TACC2: variants seen among roughly 807,000 people sequenced by gnomAD.
The protein encoded by TACC2 is transforming acidic coiled-coil containing protein 2.
TACC2 carries 137 observed loss-of-function variants against 227.3 expected under a neutral mutation model. The ratio of observed to expected loss-of-function variants is 0.60; its 90% CI spans 0.52 to 0.69. The LOEUF is 0.69. TACC2 is among the 30% of genes least tolerant of loss of function. The probability of loss-of-function intolerance (pLI) is 0.00; values close to 1 mark genes in which losing one functional copy is unlikely to be tolerated. For missense variants in TACC2, 3,470 were observed against 3,694.4 expected (o/e 0.94, Z 1.57); for synonymous variants, 1,523 against 1,487.5 (o/e 1.02, Z -0.55).
Position 122,210,172 on chromosome 10 carries a change from C to T in TACC2, c.5972-225C>T. On this transcript the variant is annotated intron_variant, in intron 8 of 22. Coordinates refer to ENST00000369005, the MANE Select transcript of TACC2 (RefSeq NM_206862.4). This position sits in a 1 kb window ranked among gnomAD's most constrained non-coding sequence, Gnocchi z 4.6. Reference sequence around the variant, plus strand: ...TGTTCTTTAATCGGTCCTCATGATCCTCATTGTACAGATGAGGGAACTCTG... The same window carrying T: ...TGTTCTTTAATCGGTCCTCATGATCTTCATTGTACAGATGAGGGAACTCTG... 8.4e-6 allele frequency: 5 copies of T among 593,756 alleles called. No individual in the cohort carries two copies. Among genetic ancestry groups the T allele is most frequent in the Non-Finnish European group, 1.5e-5 (5 of 325,798 alleles). 36.8% of individuals were successfully genotyped at this position (593,756 alleles called of 1,614,324 possible).
In TACC2 at chr10:122,084,121, G is replaced by A. The variant is rs1346694624; in HGVS notation, c.1621G>A (p.Glu541Lys). The change falls in exon 4 of 23, where the codon GAA becomes AAA. Residue 541 changes from glutamate (E) to lysine (K), a missense_variant. Glu to Lys is a moderately conservative substitution (Grantham distance 56). Coordinates refer to ENST00000369005, the MANE Select transcript of TACC2 (RefSeq NM_206862.4). ...CCCTCCTCTTCCCAAGGCACCAAGT[G>A]AAAGTGCCAGAGGGCCACCGGGGCC... The part of the protein sequence containing the change: ...PPPPLPKAPS[E>K]SARGPPGPTD... The A allele has an allele frequency of 6.2e-7, 1 of 1,614,074 alleles. No homozygotes were observed. Among genetic ancestry groups the A allele is most frequent in the Non-Finnish European group, 8.5e-7 (1 of 1,180,020 alleles).
At chr10:122,170,745 G>T (rs530893006) in intron 7 of TACC2, among the ~76,000 whole-genome samples, 63 of 152,152 alleles carry the variant, frequency 4.1e-4, no homozygotes, top group Non-Finnish European at 8.4e-4. Flanking sequence ...AGCGCCTCCA[G>T]GCCCTGCCAC....
chr10:122,053,696 G>A (rs556616093), intron 3 of TACC2, among the ~76,000 whole-genome samples: 11 of 152,256 alleles, frequency 7.2e-5, no homozygotes, highest in Non-Finnish European at 1.5e-4. Context: ...CAGAGGACAC[G>A]GTCTGGAAGT....
At chr10:122,250,404 T>A (rs749992220) in intron 22 of TACC2, among the ~76,000 whole-genome samples, 15 of 152,228 alleles carry the variant, frequency 9.9e-5, no homozygotes, top group Non-Finnish European at 2.9e-5. Flanking sequence ...CCCAGCAGCC[T>A]GGGTTGGCAG....
chr10:122,025,630 G>A (rs1327767372), intron 2 of TACC2, among the ~76,000 whole-genome samples: 1 of 140,874 alleles, frequency 7.1e-6, no homozygotes, highest in African/African-American at 2.7e-5. Context: ...CTGGAGTGCA[G>A]TGGTGCGATC....
intron 5 of TACC2, among the ~76,000 whole-genome samples, chr10:122,105,808 A>G (rs938328340): frequency 6.6e-6 from 1 of 150,620 alleles, no homozygotes; most frequent in Non-Finnish European, 1.5e-5. Context: ...TTTTTAGTAG[A>G]GATGGGGTTT....
At chr10:122,157,879 A>G (rs894434120) in intron 7 of TACC2, among the ~76,000 whole-genome samples, 1 of 152,086 alleles carries the variant, frequency 6.6e-6, no homozygotes, top group Non-Finnish European at 1.5e-5. Context: ...GTAAAGAAAG[A>G]AAGATTTTGA....
In TACC2 at chr10:122,179,341, A is replaced by G. The variant is rs12570304; in HGVS notation, c.5835-15699A>G. Among the ~76,000 whole-genome samples the G allele has an allele frequency of 0.015, 2,302 of 152,324 alleles. 152 individuals carry two copies. The East Asian group carries it at 0.24, about 16-fold the overall frequency. On this transcript the variant is annotated intron_variant, in intron 7 of 22. Coordinates refer to ENST00000369005, the MANE Select transcript of TACC2 (RefSeq NM_206862.4). ...ATTTAAACCACTGATTATGGCTCTG[A>G]CATTTTTGTTACTCTTCAATCAACC... is the stretch of plus-strand genomic sequence containing the variant.
chr10:122,239,273 T>C (rs970724369), intron 18 of TACC2, among the ~76,000 whole-genome samples: 2 of 152,214 alleles, frequency 1.3e-5, no homozygotes, highest in African/African-American at 4.8e-5. Context: ...CCTCCCAAAG[T>C]TCTGGGATTA....
At chr10:122,009,867 A>G (rs1955706873) in intron 1 of TACC2, among the ~76,000 whole-genome samples, 1 of 152,188 alleles carries the variant, frequency 6.6e-6, no homozygotes, top group East Asian at 1.9e-4. Context: ...CGGAGGTTGC[A>G]GTGAGCCAAG....
intron 5 of TACC2, among the ~76,000 whole-genome samples, chr10:122,103,131 C>A (rs1221206807): frequency 2.0e-5 from 3 of 152,038 alleles, no homozygotes; most frequent in Non-Finnish European, 2.9e-5. Context: ...TCAGAGTTCA[C>A]CAGTGAAATG....
intron 2 of TACC2, among the ~76,000 whole-genome samples, chr10:122,030,940 C>T (rs1389809077): frequency 2.0e-5 from 3 of 152,094 alleles, no homozygotes; most frequent in Admixed American, 2.0e-4. Context: ...TGCTCAGCCT[C>T]CTGTGATCCC....
chr10:121,999,567 G>A (rs1361996990), intron 1 of TACC2, among the ~76,000 whole-genome samples: 1 of 152,234 alleles, frequency 6.6e-6, no homozygotes, highest in Non-Finnish European at 1.5e-5. Flanking sequence ...GGGCCTGGTG[G>A]AAGTTTCCCT....
chr10:122,024,627 T>C (rs1313350449), intron 2 of TACC2, among the ~76,000 whole-genome samples: 2 of 152,182 alleles, frequency 1.3e-5, no homozygotes, highest in Non-Finnish European at 1.5e-5. Flanking sequence ...ATTTTATCAT[T>C]TCAAGAACGT....
intron 7 of TACC2, among the ~76,000 whole-genome samples, chr10:122,168,271 G>T (rs1365821464): frequency 6.6e-6 from 1 of 152,132 alleles, no homozygotes; most frequent in East Asian, 1.9e-4. Context: ...TTAAACGACA[G>T]CATTCCTAAT....
At chr10:122,131,014 T>A (rs1419362178) in intron 5 of TACC2, among the ~76,000 whole-genome samples, 2 of 151,450 alleles carry the variant, frequency 1.3e-5, no homozygotes, top group Non-Finnish European at 2.9e-5. Context: ...TAAATAAACA[T>A]TTAAAAAAAA....
At chr10:122,221,366 C>G (rs1450965086) in intron 11 of TACC2, among the ~76,000 whole-genome samples, 7 of 152,210 alleles carry the variant, frequency 4.6e-5, no homozygotes, top group African/African-American at 1.7e-4. Flanking sequence ...GAGTCCTCTC[C>G]TGGCTGTCCA....
chr10:122,192,853 G>A, intron 7 of TACC2: 2 of 435,612 alleles, frequency 4.6e-6, no homozygotes, highest in South Asian at 3.2e-5. Context: ...AGTGCTGGGG[G>A]CCTGGTGAGG....
intron 7 of TACC2, among the ~76,000 whole-genome samples, chr10:122,184,484 A>C (rs1565537637): frequency 6.6e-6 from 1 of 152,196 alleles, no homozygotes; most frequent in Non-Finnish European, 1.5e-5. Flanking sequence ...TATTGTATCC[A>C]GGACCTGGAT....
Sources: gnomAD v4.1 joint callset for allele counts (sites outside exome capture counted in the v4.1 genomes callset) on GRCh38, gnomAD v4.1.1 for gene constraint, Gnocchi (gnomAD v3.1) non-coding constraint, MANE v1.5 for transcripts, NCBI Gene and HGNC (gene_info 2026-07-23, HGNC 2026-07-21) for gene names.